TCF3: variants seen among roughly 807,000 people sequenced by gnomAD.
The protein encoded by TCF3 is transcription factor E2-alpha.
TCF3 carries 54 observed loss-of-function variants against 72.3 expected under a neutral mutation model. The ratio of observed to expected loss-of-function variants is 0.75; its 90% confidence interval spans 0.60 to 0.94. The LOEUF (loss-of-function observed/expected upper bound fraction) is 0.94, where lower values mean the gene tolerates loss of function less well. Ranked by LOEUF, TCF3 falls within the 40% of genes least tolerant of loss-of-function variation. The pLI is 0.00. For synonymous variants in TCF3, 525 were observed against 412.6 expected (o/e 1.27, Z -3.30); for missense variants, 1,078 against 934.4 (o/e 1.15, Z -2.00).
rs1247128866 is a variant in TCF3, at chr19:1,614,050, C to T, written c.1822+1235G>A. ...CCTGCATGGGTGACCTCGCTCTGTT[C>T]CCTGGCTTCCTACTTGGTAGAATGG... On this transcript the variant is annotated intron_variant, in intron 18 of 18. Coordinates refer to ENST00000262965, the MANE Select transcript of TCF3 (RefSeq NM_003200.5). The surrounding 1 kb of genome is among the most constrained non-coding windows in gnomAD (Gnocchi z 5.6). Among the ~76,000 whole-genome samples, 3 of 152,274 alleles carry T rather than the reference C, an allele frequency of 2.0e-5. No homozygotes were observed. Among genetic ancestry groups the T allele is most frequent in the Admixed American group, 1.3e-4 (2 of 15,292 alleles).
At chr19:1,621,659 C>G (rs2146111335) in intron 11 of TCF3, among the ~76,000 whole-genome samples, 179 bp downstream of exon 11, 1 of 152,322 alleles carries the variant, frequency 6.6e-6, no homozygotes, top group South Asian at 2.1e-4. Flanking sequence ...CCAGACATCC[C>G]AAGCCCAACG....
chr19:1,622,803 C>T (rs2146166484), intron 8 of TCF3, among the ~76,000 whole-genome samples: 1 of 152,320 alleles, frequency 6.6e-6, no homozygotes, highest in South Asian at 2.1e-4. Context: ...AATCAATCTT[C>T]CAGTGCTGAG....
chr19:1,615,474 C>T lies in TCF3; in HGVS notation c.1633G>A (p.Glu545Lys), dbSNP rs756032723. 14 of 1,611,676 alleles carry T rather than the reference C, an allele frequency of 8.7e-6. No individual in the cohort carries two copies. The highest frequency in any genetic ancestry group is 5.0e-5 in the Admixed American group (3 of 59,992). Residue 545 changes from glutamate (E) to lysine (K), a missense_variant, in exon 18 of 19, where the codon GAG becomes AAG. Physicochemically the swap from Glu to Lys is moderately conservative, Grantham distance 56 (BLOSUM62 1). Transcript: ENST00000262965. The surrounding 1 kb of genome is among the most constrained non-coding windows in gnomAD (Gnocchi z 7.3). The part of the protein sequence containing the change: ...DDLLPPEQKA[E>K]REKERRVANN... ...GCCACCCGGCGCTCCTTCTCCCGCT[C>T]GGCCTTCTGCTCTGGGGGGAGAAGG...
At chr19:1,612,939 G>A (rs979656663) in intron 18 of TCF3, among the ~76,000 whole-genome samples, 4 of 151,028 alleles carry the variant, frequency 2.6e-5, no homozygotes, top group East Asian at 3.9e-4. Context: ...AGCAGTGCGG[G>A]TACACAGCTT....
intron 8 of TCF3, among the ~76,000 whole-genome samples, chr19:1,623,666 G>C (rs1371352605): frequency 6.6e-6 from 1 of 152,180 alleles, no homozygotes; most frequent in Non-Finnish European, 1.5e-5. Flanking sequence ...TGACAGGCAT[G>C]AGCCACCACA....
intron 16 of TCF3, among the ~76,000 whole-genome samples, chr19:1,617,362 C>T (rs930241295): frequency 6.6e-6 from 1 of 152,220 alleles, no homozygotes; most frequent in Non-Finnish European, 1.5e-5. Flanking sequence ...CAACATAAGC[C>T]AGCAAACCAG....
intron 1 of TCF3, among the ~76,000 whole-genome samples, 180 bp downstream of exon 1, chr19:1,652,120 C>T (rs976734712): frequency 4.7e-5 from 7 of 150,182 alleles, no homozygotes; most frequent in Admixed American, 2.6e-4. Flanking sequence ...TCGCCGCCCC[C>T]CCGGCGCCGC....
At chr19:1,648,659 G>C (rs1238456557) in intron 2 of TCF3, among the ~76,000 whole-genome samples, 1 of 152,230 alleles carries the variant, frequency 6.6e-6, no homozygotes, top group Admixed American at 6.5e-5. Context: ...CCGGCCCTTG[G>C]GCTGTTTTTT....
chr19:1,647,864 G>A (rs907873755), intron 2 of TCF3, among the ~76,000 whole-genome samples: 5 of 152,222 alleles, frequency 3.3e-5, no homozygotes, highest in African/African-American at 1.2e-4. Context: ...CCTCTTCTGA[G>A]AAATGGACCG....
intron 2 of TCF3, among the ~76,000 whole-genome samples, chr19:1,647,832 G>T (rs1022873254): frequency 1.3e-5 from 2 of 152,212 alleles, no homozygotes; most frequent in African/African-American, 4.8e-5. Context: ...AACAGCCCCC[G>T]CACCCCTTGG....
intron 7 of TCF3, among the ~76,000 whole-genome samples, chr19:1,624,368 C>T: frequency 6.6e-6 from 1 of 152,272 alleles, no homozygotes; most frequent in South Asian, 2.1e-4. Flanking sequence ...TGCACTCCAG[C>T]CTGGGGACAG....
chr19:1,642,963 C>T (rs1009763642), intron 3 of TCF3, among the ~76,000 whole-genome samples: 1 of 152,142 alleles, frequency 6.6e-6, no homozygotes, highest in African/African-American at 2.4e-5. Context: ...ACAGAGAAAG[C>T]GACGGGGAAA....
intron 3 of TCF3, among the ~76,000 whole-genome samples, chr19:1,641,366 C>T (rs1469402133): frequency 6.6e-6 from 1 of 152,126 alleles, no homozygotes; most frequent in Non-Finnish European, 1.5e-5. Context: ...CATGTAATCA[C>T]AGCACTCTGG....
In TCF3 at chr19:1,610,550, G is replaced by A. The variant is rs942483348; in HGVS notation, c.*1157C>T. 1 of 231,756 alleles carries A rather than the reference G, an allele frequency of 4.3e-6. No homozygotes were observed. The highest frequency in any genetic ancestry group is 2.2e-5 in the African/African-American group (1 of 45,316). The allele number at this position is 231,756 out of a possible 1,614,324, so 14.4% of individuals were successfully genotyped here. ...GGTGTCCAGGAGGTCCCCAGCACCG[G>A]GCTCCAGGGTGTGGTCCCCATGCCA... On this transcript the variant is annotated 3_prime_UTR_variant, in exon 19 of 19. Transcript: ENST00000262965.
At chr19:1,629,726 G>A (rs2144777142) in intron 5 of TCF3, among the ~76,000 whole-genome samples, 1 of 152,326 alleles carries the variant, frequency 6.6e-6, no homozygotes, top group Non-Finnish European at 1.5e-5. Context: ...ATGTGACTGG[G>A]GCTGCTGTGA....
intron 18 of TCF3, among the ~76,000 whole-genome samples, chr19:1,612,053 G>A (rs1361929454): frequency 2.0e-5 from 3 of 152,088 alleles, no homozygotes; most frequent in African/African-American, 4.8e-5. Context: ...GTGGGTATCA[G>A]GGGGTGTCTG....
intron 5 of TCF3, 151 bp from the exon 6 acceptor site, chr19:1,627,577 G>A (rs554055416): frequency 2.9e-6 from 2 of 699,600 alleles, no homozygotes; most frequent in African/African-American, 1.8e-5. Context: ...TGACCCCAGT[G>A]TGCCCATCTC....
rs920937826 is a variant in TCF3 at position 1,642,197 on chromosome 19, C to T, written c.145+4158G>A. On this transcript the variant is annotated intron_variant, in intron 3 of 18. Transcript: ENST00000262965. Reference sequence around the variant, plus strand: ...GTACACACACGCACGCAGACACAGACGCAGACACGCACACACGCGCAGACG... The same window carrying T: ...GTACACACACGCACGCAGACACAGATGCAGACACGCACACACGCGCAGACG... Among the ~76,000 whole-genome samples the T allele has an allele frequency of 3.5e-5, 4 of 115,570 alleles. No individual in the cohort carries two copies. The Admixed American group carries it at 3.7e-4, about 11-fold the overall frequency. The allele number at this position is 115,570 out of a possible 152,430, so 75.8% of individuals were successfully genotyped here. A position where few individuals can be genotyped will look rare whatever the true frequency, so the allele number is the denominator to read the frequency against.
At position 1,611,370 on chromosome 19, in the gene TCF3, C is replaced by T; in HGVS notation, c.*337G>A. The T allele has an allele frequency of 2.5e-6, 1 of 397,574 alleles. No homozygotes were observed. Among genetic ancestry groups the T allele is most frequent in the Non-Finnish European group, 4.4e-6 (1 of 227,138 alleles). 24.6% of individuals were successfully genotyped at this position (397,574 alleles called of 1,614,324 possible). ...GTTGCTTGCTTTCAGGTTTTGTTTACTGGAAAAAAAAAAAATGCTCCTGTC... is the reference window on the plus strand; with the variant it reads ...GTTGCTTGCTTTCAGGTTTTGTTTATTGGAAAAAAAAAAAATGCTCCTGTC... On this transcript the variant is annotated 3_prime_UTR_variant, in exon 19 of 19. Transcript: ENST00000262965.
Sources: allele counts gnomAD v4.1 joint callset (sites outside exome capture counted in the v4.1 genomes callset), GRCh38; gene constraint gnomAD v4.1.1; non-coding constraint Gnocchi (gnomAD v3.1); transcripts MANE v1.5; gene names NCBI Gene and HGNC (gene_info 2026-07-23, HGNC 2026-07-21).